Variants in FARS2 observed in about 807,000 individuals in gnomAD.
The protein encoded by FARS2 is phenylalanine--tRNA ligase, mitochondrial.
FARS2 carries 40 observed loss-of-function variants against 46.4 expected under a neutral mutation model. The ratio of observed to expected loss-of-function variants is 0.86; its 90% CI spans 0.67 to 1.12. The LOEUF (loss-of-function observed/expected upper bound fraction) is 1.12, where lower values mean the gene tolerates loss of function less well. FARS2 is among the 50% of genes most tolerant of loss of function. FARS2 has a pLI of 0.00. For missense variants in FARS2, 513 were observed against 567.9 expected, an observed-to-expected ratio of 0.90 and a Z score of 0.98; for synonymous variants, 234 against 214.9, an observed-to-expected ratio of 1.09 and a Z score of -0.78.
At chr6:5,758,516 C>T (rs1021759060) in intron 6 of FARS2, among the ~76,000 whole-genome samples, 4 of 152,178 alleles carry the variant, frequency 2.6e-5, no homozygotes, top group South Asian at 2.1e-4. Context: ...TGAAGGGACT[C>T]GCACCAACTC....
chr6:5,256,490 GGAAAAAAAAAAAAAAAAAAAAAAAAA>G (rs1233506119), upstream of FARS2, among the ~76,000 whole-genome samples: 2 of 37,520 alleles, frequency 5.3e-5, no homozygotes, highest in Non-Finnish European at 1.1e-4. Flanking sequence ...GATTTCAACT[GGAAAAAAAAAAAAAAAAAAAAAAAAA>G]AAAAAAAAAA....
chr6:5,578,900 A>T (rs533008026), intron 5 of FARS2, among the ~76,000 whole-genome samples: 59 of 151,762 alleles, frequency 3.9e-4, no homozygotes, highest in Non-Finnish European at 7.4e-5. Context: ...TCACATCCCA[A>T]CTCTACTGCC....
intron 1 of FARS2, among the ~76,000 whole-genome samples, chr6:5,297,522 C>G (rs1767976137): frequency 6.6e-6 from 1 of 152,028 alleles, no homozygotes; most frequent in African/African-American, 2.4e-5. Flanking sequence ...GTGGTGGGCA[C>G]TTGTAATCCC....
intron 2 of FARS2, among the ~76,000 whole-genome samples, chr6:5,397,242 A>G (rs1760961745): frequency 6.6e-6 from 1 of 152,198 alleles, no homozygotes; most frequent in South Asian, 2.1e-4. Flanking sequence ...TATTCTGGAA[A>G]ACACAAAGCT....
At position 5,761,820 on chromosome 6, in the gene FARS2, A is replaced by G. The variant is rs1195209478; in HGVS notation, c.1218-9471A>G. Among the ~76,000 whole-genome samples the G allele has an allele frequency of 2.0e-5, 3 of 152,176 alleles. No individual in the cohort carries two copies. In the South Asian group the frequency reaches 6.2e-4, roughly 32 times the overall value. On this transcript the variant is annotated intron_variant, in intron 6 of 6. Coordinates refer to ENST00000274680, the MANE Select transcript of FARS2 (RefSeq NM_006567.5). ...AGAGTGGAGGATCTAAAAAAAAAAA[A>G]AAAAAAAAGAGGCATTTGTATACAA... is the stretch of plus-strand genomic sequence containing the variant.
intron 5 of FARS2, among the ~76,000 whole-genome samples, chr6:5,592,690 G>A (rs187932520): frequency 1.3e-5 from 2 of 152,162 alleles, no homozygotes; most frequent in African/African-American, 4.8e-5. Flanking sequence ...CAAAACAACC[G>A]ATAGCCAGTA....
intron 6 of FARS2, among the ~76,000 whole-genome samples, chr6:5,766,163 TG>T (rs1394507113): frequency 6.6e-6 from 1 of 152,244 alleles, no homozygotes; most frequent in Non-Finnish European, 1.5e-5. Flanking sequence ...AGAGAACTTT[TG>T]TTTGCCTCTA....
chr6:5,484,155 A>G (rs553605142), intron 4 of FARS2, among the ~76,000 whole-genome samples: 9 of 152,306 alleles, frequency 5.9e-5, no homozygotes, highest in African/African-American at 2.2e-4. Context: ...AAACACATAA[A>G]TAAGTGATTC....
At chr6:5,707,757 G>A (rs747760913) in intron 6 of FARS2, among the ~76,000 whole-genome samples, 2 of 152,206 alleles carry the variant, frequency 1.3e-5, no homozygotes, top group African/African-American at 4.8e-5. Context: ...TTCCGTCCAC[G>A]TGTCCATCCC....
At chr6:5,578,417 T>TG (rs1366821591) in intron 5 of FARS2, among the ~76,000 whole-genome samples, 1 of 152,124 alleles carries the variant, frequency 6.6e-6, no homozygotes, top group Non-Finnish European at 1.5e-5. Context: ...TGAATGGCTG[T>TG]GAAAAAGCCT....
chr6:5,278,753 C>T (rs1381835203), intron 1 of FARS2, among the ~76,000 whole-genome samples: 1 of 152,178 alleles, frequency 6.6e-6, no homozygotes, highest in Non-Finnish European at 1.5e-5. Flanking sequence ...TGAGATGCAG[C>T]CTTCCCCCTC....
chr6:5,444,819 C>A (rs1290513566), intron 4 of FARS2, among the ~76,000 whole-genome samples: 3 of 152,056 alleles, frequency 2.0e-5, no homozygotes, highest in African/African-American at 7.3e-5. Flanking sequence ...GAAGCTTGCT[C>A]GTGGCTCTTT....
In FARS2 at chr6:5,415,310, C is replaced by CTTT. The variant is rs773981175; in HGVS notation, c.772+10629_772+10631dup. Among the ~76,000 whole-genome samples, 290 of 53,544 alleles carry CTTT rather than the reference C, an allele frequency of 5.4e-3. 10 individuals are homozygous for CTTT. The highest frequency in any genetic ancestry group is 0.013 in the Middle Eastern group (1 of 76). The allele number at this position is 53,544 out of a possible 152,430, so 35.1% of individuals were successfully genotyped here. A position where few individuals can be genotyped will look rare whatever the true frequency, so the allele number is the denominator to read the frequency against. ...TTTAATTTGTATTTTCTTTTCTTTT[C>CTTT]TTTTTTTTTTTTTTTTTTTTTTGAG... is the stretch of plus-strand genomic sequence containing the variant. On this transcript the variant is annotated intron_variant, in intron 3 of 6. Coordinates refer to ENST00000274680, the MANE Select transcript of FARS2 (RefSeq NM_006567.5).
At chr6:5,259,812 A>G (rs1764892623), upstream of FARS2, among the ~76,000 whole-genome samples, 1 of 152,186 alleles carries the variant, frequency 6.6e-6, no homozygotes, top group African/African-American at 2.4e-5. Context: ...ACAAAACAAA[A>G]CAAAAAACAA....
chr6:5,583,831 G>A (rs1211476743), intron 5 of FARS2, among the ~76,000 whole-genome samples: 4 of 152,174 alleles, frequency 2.6e-5, no homozygotes, highest in Non-Finnish European at 4.4e-5. Context: ...GTTCCATCCC[G>A]GGCACAGGCA....
At chr6:5,265,716 T>A (rs1484378182) in intron 1 of FARS2, among the ~76,000 whole-genome samples, 1 of 152,212 alleles carries the variant, frequency 6.6e-6, no homozygotes, top group Non-Finnish European at 1.5e-5. Flanking sequence ...TTGTATATGA[T>A]TAAAATAAGG....
rs776344380 is a variant in FARS2, at chr6:5,264,495, C to CTT, written c.-22+2849_-22+2850dup. 2.2e-5 allele frequency among the ~76,000 whole-genome samples: 3 copies of CTT among 139,056 alleles called. 1 individual carries two copies. The highest frequency in any genetic ancestry group is 7.2e-5 in the Admixed American group (1 of 13,864). 91.2% of individuals were successfully genotyped at this position (139,056 alleles called of 152,430 possible). A position where few individuals can be genotyped will look rare whatever the true frequency, so the allele number is the denominator to read the frequency against. ...GGTTATGGTTTTTCTTTTCTTTTTT[C>CTT]TTTTTTTTTTTTTTTGAGACAGAGT... On this transcript the variant is annotated intron_variant, in intron 1 of 6. Transcript: ENST00000274680.
In FARS2 at chr6:5,402,080, C is replaced by A. The variant is rs78843091; in HGVS notation, c.613-2462C>A. 8.6e-3 allele frequency among the ~76,000 whole-genome samples: 1,299 copies of A among 151,470 alleles called. 16 individuals carry two copies. The highest frequency in any genetic ancestry group is 0.029 in the African/African-American group (1,209 of 41,314). On this transcript the variant is annotated intron_variant, in intron 2 of 6. Coordinates refer to ENST00000274680, the MANE Select transcript of FARS2 (RefSeq NM_006567.5). Reference sequence around the variant, plus strand: ...GTGTTCCATTTCTACCACTTTCTTTCTGATTCTTCTTTCTTTATTTTACCA... The same window carrying A: ...GTGTTCCATTTCTACCACTTTCTTTATGATTCTTCTTTCTTTATTTTACCA...
chr6:5,543,129 T>C (rs1770733831), intron 4 of FARS2, among the ~76,000 whole-genome samples: 1 of 152,208 alleles, frequency 6.6e-6, no homozygotes, highest in Non-Finnish European at 1.5e-5. Context: ...TGGAAATGTT[T>C]AAAAAGTTCT....
Sources: gnomAD v4.1 joint callset for allele counts (sites outside exome capture counted in the v4.1 genomes callset) on GRCh38, gnomAD v4.1.1 for gene constraint, MANE v1.5 for transcripts, NCBI Gene and HGNC (gene_info 2026-07-23, HGNC 2026-07-21) for gene names.